CNGB1: variants seen among roughly 807,000 people sequenced by gnomAD.
The protein encoded by CNGB1 is cyclic nucleotide-gated channel beta-1.
CNGB1 carries 126 observed loss-of-function variants against 151.7 expected under a neutral mutation model. The observed-to-expected ratio is 0.83, with a 90% confidence interval of 0.72 to 0.96. CNGB1 has a LOEUF of 0.96. Ranked by LOEUF, CNGB1 falls within the 40% of genes least tolerant of loss-of-function variation. The probability of loss-of-function intolerance (pLI) is 0.00; values close to 1 mark genes in which losing one functional copy is unlikely to be tolerated. For missense variants in CNGB1, 1,698 were observed against 1,627.0 expected, an observed-to-expected ratio of 1.04 and a Z score of -0.75; for synonymous variants, 623 against 635.1, an observed-to-expected ratio of 0.98 and a Z score of 0.29.
chr16:57,935,193 A>T (rs1961476031), intron 16 of CNGB1, among the ~76,000 whole-genome samples: 1 of 152,176 alleles, frequency 6.6e-6, no homozygotes, highest in Non-Finnish European at 1.5e-5. Context: ...AGCCTGCAGC[A>T]GGCCCATCCG....
At chr16:57,906,908 C>T (rs1960566258) in intron 25 of CNGB1, among the ~76,000 whole-genome samples, 1 of 152,192 alleles carries the variant, frequency 6.6e-6, no homozygotes, top group Non-Finnish European at 1.5e-5. Flanking sequence ...CAGGAGAGCA[C>T]TGGGGCGGGA....
chr16:57,902,235 AATTTTTTGT>A (rs1433602884), intron 27 of CNGB1, among the ~76,000 whole-genome samples: 1 of 151,208 alleles, frequency 6.6e-6, no homozygotes, highest in Non-Finnish European at 1.5e-5. Context: ...CACGCGGGCT[AATTTTTTGT>A]ATTTTTAGTA....
chr16:57,922,720 C>T (rs749600895), intron 18 of CNGB1, among the ~76,000 whole-genome samples: 4 of 152,124 alleles, frequency 2.6e-5, no homozygotes, highest in South Asian at 4.1e-4. Context: ...TGAGCCACCA[C>T]GCCTGGCCGT....
intron 29 of CNGB1, among the ~76,000 whole-genome samples, chr16:57,900,909 C>CACA (rs1452362267): frequency 2.0e-5 from 3 of 151,864 alleles, no homozygotes; most frequent in Non-Finnish European, 2.9e-5. Context: ...ATCCAAAGGC[C>CACA]ACCAGTTTGC....
rs565486495 is a variant in CNGB1 at position 57,948,059 on chromosome 16, A to T, written c.1121+1294T>A. Among the ~76,000 whole-genome samples, 5 of 152,358 alleles carry T rather than the reference A, an allele frequency of 3.3e-5. No individual in the cohort carries two copies. The East Asian group carries it at 7.7e-4, about 24-fold the overall frequency. On this transcript the variant is annotated intron_variant, in intron 14 of 32. Coordinates refer to ENST00000251102, the MANE Select transcript of CNGB1 (RefSeq NM_001297.5). Reference sequence around the variant, plus strand: ...AGGTCAGGGAGAAAGGACGCGGGTCATGAGGTACCATGGTGGTCAGAGACA... The same window carrying T: ...AGGTCAGGGAGAAAGGACGCGGGTCTTGAGGTACCATGGTGGTCAGAGACA...
At chr16:57,887,755 A>T in intron 32 of CNGB1, 100 bp downstream of exon 32, 1 of 1,112,768 alleles carries the variant, frequency 9.0e-7, no homozygotes, top group Non-Finnish European at 1.4e-6. Context: ...GAGGGGGAAG[A>T]CCCTAAAACT....
At chr16:57,941,968 C>T (rs1283654393) in intron 14 of CNGB1, among the ~76,000 whole-genome samples, 2 of 152,220 alleles carry the variant, frequency 1.3e-5, no homozygotes, top group African/African-American at 4.8e-5. Flanking sequence ...CCTCCTGCTT[C>T]AGCCTCCCGA....
intron 18 of CNGB1, among the ~76,000 whole-genome samples, chr16:57,921,765 G>A (rs543210171): frequency 6.6e-6 from 1 of 152,332 alleles, no homozygotes; most frequent in African/African-American, 2.4e-5. Flanking sequence ...GACATGGGAA[G>A]GCACATGGAT....
rs1480402895 is a variant in CNGB1 at position 57,920,559 on chromosome 16, C to A, written c.1644-15G>T. 1.2e-6 allele frequency: 2 copies of A among 1,610,914 alleles called. No individual in the cohort carries two copies. Among genetic ancestry groups the A allele is most frequent in the African/African-American group, 2.7e-5 (2 of 75,046 alleles). On this transcript the variant is annotated splice_polypyrimidine_tract_variant and intron_variant, in intron 18 of 32. Transcript: ENST00000251102. ...GGTCCTGGCCACTGTGGGAACATCA[C>A]CCAAAGCTGAGCAGGCTGAGCCGGG... is the stretch of plus-strand genomic sequence containing the variant.
At chr16:57,936,795 C>CAAAA (rs1181991556) in intron 16 of CNGB1, among the ~76,000 whole-genome samples, 21 of 99,116 alleles carry the variant, frequency 2.1e-4, no homozygotes, top group African/African-American at 1.4e-3. Context: ...AAAAAACAAA[C>CAAAA]AAACAAAAAA....
intron 29 of CNGB1, among the ~76,000 whole-genome samples, chr16:57,900,405 T>C (rs1381121549): frequency 5.3e-5 from 8 of 152,142 alleles, no homozygotes; most frequent in African/African-American, 1.7e-4. Context: ...CCTGCTTGGG[T>C]AATGTTTCCC....
At chr16:57,903,734 G>T in intron 27 of CNGB1, 88 bp downstream of exon 27, 1 of 1,479,666 alleles carries the variant, frequency 6.8e-7, no homozygotes, top group Non-Finnish European at 9.4e-7. Context: ...CACAGAGGAC[G>T]AGGGAGGCGC....
chr16:57,897,136 G>GA (rs1436059607), intron 31 of CNGB1, among the ~76,000 whole-genome samples: 2 of 151,888 alleles, frequency 1.3e-5, no homozygotes, highest in African/African-American at 4.8e-5. Context: ...CCCAGCTCTA[G>GA]AAAAAAATTT....
chr16:57,901,059 T>TGGG (rs11330673), intron 29 of CNGB1, among the ~76,000 whole-genome samples: 19 of 150,740 alleles, frequency 1.3e-4, no homozygotes, highest in Non-Finnish European at 2.7e-4. Flanking sequence ...AAGGTGGAGT[T>TGGG]GGGGGGGGGG....
intron 12 of CNGB1, among the ~76,000 whole-genome samples, chr16:57,951,989 G>C (rs1318802879): frequency 3.9e-5 from 6 of 152,240 alleles, no homozygotes; most frequent in African/African-American, 1.4e-4. Flanking sequence ...GGTTTGGCCA[G>C]GGAGGCTCCT....
intron 25 of CNGB1, among the ~76,000 whole-genome samples, chr16:57,907,162 A>G (rs1414708324): frequency 1.3e-5 from 2 of 152,132 alleles, no homozygotes; most frequent in East Asian, 3.9e-4. Flanking sequence ...CTCCTCCCGC[A>G]GAGGGCCCTG....
intron 29 of CNGB1, among the ~76,000 whole-genome samples, chr16:57,898,416 C>T (rs1042589155): frequency 3.9e-5 from 6 of 151,906 alleles, no homozygotes; most frequent in East Asian, 3.9e-4. Context: ...CTCGCTCTGT[C>T]GCCCAGGCTG....
At chr16:57,908,949 C>A (rs921366574) in intron 25 of CNGB1, among the ~76,000 whole-genome samples, 5 of 152,220 alleles carry the variant, frequency 3.3e-5, no homozygotes, top group African/African-American at 1.2e-4. Context: ...AGGCTTTTGA[C>A]AGGGCAGGGG....
In CNGB1 at chr16:57,949,354, C is replaced by T. The variant is rs755093425; in HGVS notation, c.1120G>A (p.Glu374Lys). 1.2e-6 allele frequency: 2 copies of T among 1,610,356 alleles called. No individual in the cohort carries two copies. The highest frequency in any genetic ancestry group is 2.2e-5 in the South Asian group (2 of 91,076). Reference sequence around the variant, plus strand: ...CAGACAGGTGAGCAAATGACTTACTCAGTCACCTCCTCCTCTTCCTCCTCC... The same window carrying T: ...CAGACAGGTGAGCAAATGACTTACTTAGTCACCTCCTCCTCTTCCTCCTCC... ...EEEEEEEEVT[E>K]VLLDSCVVSQ... The change falls in exon 14 of 33, where the codon GAG becomes AAG. Residue 374 changes from glutamate (E) to lysine (K), a missense_variant and splice_region_variant. Transcript: ENST00000251102.
Sources: allele counts gnomAD v4.1 joint callset (sites outside exome capture counted in the v4.1 genomes callset), GRCh38; gene constraint gnomAD v4.1.1; transcripts MANE v1.5; gene names NCBI Gene and HGNC (gene_info 2026-07-23, HGNC 2026-07-21).